The following GSAP variants were observed in gnomAD, a reference collection of about 807,000 sequenced individuals.
GSAP encodes the protein gamma-secretase activating protein, also known as gamma-secretase-activating protein.
GSAP carries 118 observed loss-of-function variants against 131.7 expected under a neutral mutation model. The observed-to-expected ratio is 0.90, with a 90% CI of 0.77 to 1.04. The LOEUF is 1.04. Ranked by LOEUF, GSAP falls within the 50% of genes least tolerant of loss-of-function variation. The probability of loss-of-function intolerance (pLI) is 0.00; values close to 1 mark genes in which losing one functional copy is unlikely to be tolerated. For synonymous variants in GSAP, 381 were observed against 363.4 expected, an observed-to-expected ratio of 1.05 and a Z score of -0.55; for missense variants, 1,019 against 1,013.2, an observed-to-expected ratio of 1.01 and a Z score of -0.08.
intron 28 of GSAP, among the ~76,000 whole-genome samples, chr7:77,312,798 G>A (rs913336445): frequency 2.0e-5 from 3 of 152,344 alleles, no homozygotes; most frequent in Non-Finnish European, 4.4e-5. Context: ...AGTGCCAGAG[G>A]TGCAAGTGTG....
intron 14 of GSAP, among the ~76,000 whole-genome samples, chr7:77,358,130 C>A (rs946514560): frequency 6.6e-6 from 1 of 152,194 alleles, no homozygotes; most frequent in Admixed American, 6.5e-5. Flanking sequence ...TACTTGAGGT[C>A]AGGAGTTCGA....
chr7:77,407,281 T>C (rs368263458), intron 1 of GSAP, among the ~76,000 whole-genome samples: 2 of 152,242 alleles, frequency 1.3e-5, no homozygotes, highest in South Asian at 2.1e-4. Flanking sequence ...CTGATATTAG[T>C]ATAACTACAT....
At chr7:77,404,801 A>G (rs1313907326) in intron 2 of GSAP, among the ~76,000 whole-genome samples, 186 bp from the exon 3 acceptor site, 1 of 152,214 alleles carries the variant, frequency 6.6e-6, no homozygotes, top group Non-Finnish European at 1.5e-5. Context: ...AATGAAATGG[A>G]TCAACAGTGT....
At chr7:77,405,060 C>A (rs17365752) in intron 2 of GSAP, among the ~76,000 whole-genome samples, 9,760 of 152,276 alleles carry the variant, frequency 0.064, 417 homozygotes, top group Non-Finnish European at 0.09. Flanking sequence ...CTGTGCAAAG[C>A]AAACTGGCCA....
chr7:77,314,062 G>C (rs1372869907), intron 27 of GSAP, among the ~76,000 whole-genome samples: 3 of 152,186 alleles, frequency 2.0e-5, no homozygotes, highest in Non-Finnish European at 4.4e-5. Context: ...TATGTGGATT[G>C]AAAAGTCCCT....
In GSAP at chr7:77,349,366, T is replaced by C; in HGVS notation, c.1530A>G (p.Ala510=). The change falls in exon 19 of 31, where the codon GCA becomes GCG. Residue 510 remains alanine, a synonymous_variant. Coordinates refer to ENST00000257626, the MANE Select transcript of GSAP (RefSeq NM_017439.4). ...PGITLVTEDI[A]LPLMKVLSFK... is the part of the protein sequence containing the mutation. ...AGGGACCTACCTTCATAAGAGGCAA[T>C]GCAATGTCTTCTGTCACAAGAGTTA... 6.2e-7 allele frequency: 1 copy of C among 1,612,298 alleles called. No individual in the cohort carries two copies.
intron 12 of GSAP, among the ~76,000 whole-genome samples, chr7:77,373,397 A>G (rs1448867380): frequency 6.6e-6 from 1 of 152,212 alleles, no homozygotes; most frequent in East Asian, 1.9e-4. Flanking sequence ...TTTAGTCCAA[A>G]TGCTACTTAA....
intron 1 of GSAP, among the ~76,000 whole-genome samples, chr7:77,415,015 G>A (rs373123118): frequency 6.1e-4 from 92 of 151,872 alleles, no homozygotes; most frequent in East Asian, 2.1e-3. Flanking sequence ...GTGTCACCAC[G>A]CCCAGCTAAT....
At chr7:77,351,126 A>C (rs552625507) in intron 18 of GSAP, 1 of 977,998 alleles carries the variant, frequency 1.0e-6, no homozygotes, top group African/African-American at 1.7e-5. Flanking sequence ...CAGAGAAATA[A>C]GTTTTCAGAA....
chr7:77,405,986 T>C (rs746174759), intron 2 of GSAP, 43 bp downstream of exon 2: 2 of 718,916 alleles, frequency 2.8e-6, no homozygotes, highest in South Asian at 3.8e-5. Context: ...TTAAAAACAG[T>C]AAATTTTACA....
chr7:77,340,219 T>G (rs1416368021), intron 19 of GSAP, among the ~76,000 whole-genome samples: 1 of 152,164 alleles, frequency 6.6e-6, no homozygotes, highest in Non-Finnish European at 1.5e-5. Context: ...AATTTTCCAC[T>G]ACCCACCCAA....
chr7:77,338,185 T>C (rs529755076), intron 19 of GSAP, among the ~76,000 whole-genome samples: 1 of 151,994 alleles, frequency 6.6e-6, no homozygotes, highest in South Asian at 2.1e-4. Flanking sequence ...TCAATCAAAA[T>C]TTTTTAAAAA....
chr7:77,342,191 A>G (rs1313054983), intron 19 of GSAP, among the ~76,000 whole-genome samples: 10 of 152,204 alleles, frequency 6.6e-5, no homozygotes, highest in African/African-American at 2.4e-4. Context: ...CCATCACCTC[A>G]GAAGCCTCCT....
chr7:77,378,966 C>T (rs975847210), intron 8 of GSAP, among the ~76,000 whole-genome samples: 14 of 152,098 alleles, frequency 9.2e-5, no homozygotes, highest in African/African-American at 2.9e-4. Context: ...ATTTCTCCAC[C>T]GATGGTAACT....
rs144314440 is a variant in GSAP at position 77,346,415 on chromosome 7, C to G, written c.1545+2936G>C. Among the ~76,000 whole-genome samples, 412 of 150,892 alleles carry G rather than the reference C, an allele frequency of 2.7e-3. 1 individual carries two copies. Among genetic ancestry groups the G allele is most frequent in the Middle Eastern group, 0.025 (7 of 282 alleles). On this transcript the variant is annotated intron_variant, in intron 19 of 30. Coordinates refer to ENST00000257626, the MANE Select transcript of GSAP (RefSeq NM_017439.4). ...GAACAATTGAGTTAAGGCACTGCAA[C>G]CCAGCAGGGCATGGTGGCTCATACC... is the stretch of plus-strand genomic sequence containing the variant.
Position 77,355,303 on chromosome 7 carries a change from A to G in GSAP, c.1248T>C (p.Leu416=), listed in dbSNP as rs144545236. 508 of 1,613,964 alleles carry G rather than the reference A, an allele frequency of 3.1e-4. 1 individual carries two copies. The highest frequency in any genetic ancestry group is 3.6e-4 in the Non-Finnish European group (426 of 1,179,894). ...ALLSQSSLLQ[L]LQNTCLDCEK... is the part of the protein sequence containing the mutation. ...CACAGTCTAAGCAAGTGTTCTGCAG[A>G]AGCTGTAATAAAGACGACTGGCTGA... Residue 416 remains leucine, a synonymous_variant, in exon 16 of 31, where the codon CTT becomes CTC. Transcript: ENST00000257626.
intron 18 of GSAP, among the ~76,000 whole-genome samples, chr7:77,350,539 C>T (rs1007102968): frequency 5.4e-5 from 8 of 148,968 alleles, no homozygotes; most frequent in South Asian, 2.1e-4. Context: ...AGTTTGAGAC[C>T]GACCTGGCCA....
At chr7:77,365,439 G>A (rs1057468246) in intron 12 of GSAP, among the ~76,000 whole-genome samples, 2 of 152,132 alleles carry the variant, frequency 1.3e-5, no homozygotes, top group African/African-American at 2.4e-5. Context: ...GTGTTCAGGA[G>A]TTCTCATCAT....
rs780750132 is a variant in GSAP, at chr7:77,353,578, T to A, written c.1402A>T (p.Ile468Leu). The change falls in exon 17 of 31, where the codon ATA (isoleucine) becomes TTA (leucine). Residue 468 changes from isoleucine to leucine, a missense_variant. Physicochemically the swap from Ile to Leu is conservative, Grantham distance 5. Coordinates refer to ENST00000257626, the MANE Select transcript of GSAP (RefSeq NM_017439.4). ...CHSFDLIQEFIIASSYWSVYS... is the reference protein window; with the variant it reads ...CHSFDLIQEFLIASSYWSVYS... The stretch of plus-strand genomic sequence containing the variant: ...CAACATCAGCAACACTTACCAATTA[T>A]AAATTCCTGAATGAGGTCAAATGAA... The A allele has an allele frequency of 6.2e-7, 1 of 1,605,790 alleles. No homozygotes were observed. Among genetic ancestry groups the A allele is most frequent in the East Asian group, 2.2e-5 (1 of 44,782 alleles).
Sources: gnomAD v4.1 joint callset for allele counts (sites outside exome capture counted in the v4.1 genomes callset) on GRCh38, gnomAD v4.1.1 for gene constraint, MANE v1.5 for transcripts, NCBI Gene and HGNC (gene_info 2026-07-23, HGNC 2026-07-21) for gene names.